Variants in SCNN1B observed in about 807,000 individuals in gnomAD.
The protein encoded by SCNN1B is epithelial sodium channel subunit beta.
Under a neutral mutation model 65.3 loss-of-function variants are expected in SCNN1B, and 46 were observed. The observed-to-expected ratio is 0.70, with a 90% CI of 0.56 to 0.90. SCNN1B has a LOEUF of 0.90. Ranked by LOEUF, SCNN1B falls within the 40% of genes least tolerant of loss-of-function variation. The probability of loss-of-function intolerance (pLI) is 0.00; values close to 1 mark genes in which losing one functional copy is unlikely to be tolerated. For missense variants in SCNN1B, 751 were observed against 830.5 expected (o/e 0.90, Z 1.18); for synonymous variants, 349 against 330.6 (o/e 1.06, Z -0.60).
chr16:23,300,179 C>A (rs1961053347), upstream of SCNN1B, among the ~76,000 whole-genome samples: 1 of 151,984 alleles, frequency 6.6e-6, no homozygotes, highest in African/African-American at 2.4e-5. Context: ...CATCACACAC[C>A]AGAGCCTGTC....
intron 10 of SCNN1B, 66 bp downstream of exon 10, chr16:23,377,452 T>C (rs1567319253): frequency 2.0e-6 from 3 of 1,521,128 alleles, no homozygotes; most frequent in Non-Finnish European, 9.1e-7. Context: ...GGGCATAAGA[T>C]GTGGGCTATT....
Position 23,331,550 on chromosome 16 carries a change from C to T in SCNN1B, c.-8-17042C>T, listed in dbSNP as rs138688984. ...GGCCAGGCTGGTCTCGAACTCTTGACCTCAGGTGATCCACCTGCCTTGGGC... is the reference window on the plus strand; with the variant it reads ...GGCCAGGCTGGTCTCGAACTCTTGATCTCAGGTGATCCACCTGCCTTGGGC... On this transcript the variant is annotated intron_variant, in intron 1 of 12. Transcript: ENST00000343070. Among the ~76,000 whole-genome samples, 1,127 of 152,044 alleles carry T rather than the reference C, an allele frequency of 7.4e-3. 10 individuals are homozygous for T. The highest frequency in any genetic ancestry group is 0.014 in the South Asian group (66 of 4,806).
At chr16:23,280,676 C>G (rs1381415893) in intron 1 of SCNN1B, among the ~76,000 whole-genome samples, 1 of 152,108 alleles carries the variant, frequency 6.6e-6, no homozygotes, top group Non-Finnish European at 1.5e-5. Context: ...AAGAATAACA[C>G]CAGGAAATGT....
chr16:23,355,580 A>G (rs1962404134), intron 4 of SCNN1B, 91 bp downstream of exon 4: 1 of 1,335,948 alleles, frequency 7.5e-7, no homozygotes, highest in Non-Finnish European at 1.1e-6. Context: ...CAGGGTTCCA[A>G]TCCTGCCCAG....
At chr16:23,371,240 G>T in intron 5 of SCNN1B, 59 bp from the exon 6 acceptor site, 1 of 1,587,804 alleles carries the variant, frequency 6.3e-7, no homozygotes, top group African/African-American at 1.3e-5. Flanking sequence ...GTGGGTAGTG[G>T]GGTCTCCTTT....
At chr16:23,305,557 TATA>T (rs1961188510) in intron 1 of SCNN1B, among the ~76,000 whole-genome samples, 3 of 58,760 alleles carry the variant, frequency 5.1e-5, no homozygotes, top group Non-Finnish European at 8.2e-5. Flanking sequence ...TATATATATA[TATA>T]TATATATATA....
chr16:23,313,764 A>G (rs1961393322), intron 1 of SCNN1B, among the ~76,000 whole-genome samples: 1 of 152,158 alleles, frequency 6.6e-6, no homozygotes, highest in Admixed American at 6.5e-5. Flanking sequence ...GGCACGCGCC[A>G]CCACGCCCAG....
chr16:23,304,131 A>T (rs1299183357), intron 1 of SCNN1B: 1 of 1,498,144 alleles, frequency 6.7e-7, no homozygotes, highest in Non-Finnish European at 9.0e-7. Flanking sequence ...TCTTCTATAA[A>T]TTGTTATCTC....
chr16:23,363,649 C>T (rs1962594837), intron 4 of SCNN1B, among the ~76,000 whole-genome samples: 1 of 151,996 alleles, frequency 6.6e-6, no homozygotes, highest in Admixed American at 6.6e-5. Context: ...CCCATCTCCA[C>T]AAAAAATTTT....
chr16:23,319,592 G>A (rs200118679), intron 1 of SCNN1B, among the ~76,000 whole-genome samples: 6 of 152,098 alleles, frequency 3.9e-5, no homozygotes, highest in East Asian at 1.9e-4. Flanking sequence ...TGTTATCTAC[G>A]GCTGCTTTTG....
chr16:23,327,311 C>T (rs1056406059), intron 1 of SCNN1B, among the ~76,000 whole-genome samples: 3 of 151,994 alleles, frequency 2.0e-5, no homozygotes, highest in African/African-American at 7.2e-5. Context: ...ACAGGCAGAT[C>T]ACCTGAGGCC....
chr16:23,300,832 CA>C (rs778620953), upstream of SCNN1B, among the ~76,000 whole-genome samples: 4 of 150,744 alleles, frequency 2.7e-5, no homozygotes, highest in African/African-American at 9.8e-5. Flanking sequence ...CTCTCTTTAC[CA>C]AAAAAAGAAA....
chr16:23,291,068 CTTTTTTTTT>C (rs5816210), intron 2 of SCNN1B, among the ~76,000 whole-genome samples: 1 of 133,250 alleles, frequency 7.5e-6, no homozygotes, highest in Non-Finnish European at 1.6e-5. Context: ...ATTTTTTTTT[CTTTTTTTTT>C]TTTTGGCAGC....
At chr16:23,355,560 C>A (rs1299416870) in intron 4 of SCNN1B, 71 bp downstream of exon 4, 2 of 1,492,262 alleles carry the variant, frequency 1.3e-6, no homozygotes, top group Non-Finnish European at 1.9e-6. Context: ...CGGTTGGGAG[C>A]ACAGCCTGCC....
In SCNN1B at chr16:23,367,750, C is replaced by T. The variant is rs8060969; in HGVS notation, c.777-106C>T. ...CAGAATGACCTGTTGCTCGCCTCTC[C>T]CTTTCGGAGCCCCTCCAAGGAGGAA... On this transcript the variant is annotated intron_variant, in intron 4 of 12. Transcript: ENST00000343070. 1,013 of 889,430 alleles carry T rather than the reference C, an allele frequency of 1.1e-3. 7 individuals are homozygous for T. The African/African-American group carries it at 0.015, about 13-fold the overall frequency. The allele number at this position is 889,430 out of a possible 1,614,324, so 55.1% of individuals were successfully genotyped here.
intron 1 of SCNN1B, among the ~76,000 whole-genome samples, chr16:23,333,155 A>AAGGG (rs1371304674): frequency 2.3e-5 from 2 of 88,830 alleles, no homozygotes. Flanking sequence ...GGAAAGAAGG[A>AAGGG]AGGAAGGAAG....
intron 2 of SCNN1B, among the ~76,000 whole-genome samples, chr16:23,287,830 G>C (rs544398671): frequency 2.0e-5 from 3 of 146,596 alleles, no homozygotes; most frequent in Non-Finnish European, 4.5e-5. Context: ...TTTTTTAAGA[G>C]ATGGGGTCTC....
At chr16:23,339,684 G>A (rs1348046050) in intron 1 of SCNN1B, among the ~76,000 whole-genome samples, 1 of 151,934 alleles carries the variant, frequency 6.6e-6, no homozygotes, top group Non-Finnish European at 1.5e-5. Flanking sequence ...TCCTGTCTCA[G>A]CCTCCCAAGT....
chr16:23,351,597 G>C (rs1962310476), intron 2 of SCNN1B, among the ~76,000 whole-genome samples: 1 of 152,218 alleles, frequency 6.6e-6, no homozygotes. Flanking sequence ...CCTCTGTCCA[G>C]CATTTAATGC....
Sources: allele counts gnomAD v4.1 joint callset (sites outside exome capture counted in the v4.1 genomes callset), GRCh38; gene constraint gnomAD v4.1.1; transcripts MANE v1.5; gene names NCBI Gene and HGNC (gene_info 2026-07-23, HGNC 2026-07-21).